The following POLDIP3 variants were observed in gnomAD, a reference collection of about 807,000 sequenced individuals.
The protein encoded by POLDIP3 is DNA polymerase delta interacting protein 3, also known as polymerase delta-interacting protein 3.
A neutral mutation model predicts 45.1 loss-of-function variants in POLDIP3; 14 were observed. The observed-to-expected ratio is 0.31, with a 90% confidence interval of 0.20 to 0.49. POLDIP3 has a LOEUF of 0.49. Among genes scored for constraint, POLDIP3 ranks in the 20% least tolerant of loss-of-function variants. The pLI is 0.99. For synonymous variants in POLDIP3, 223 were observed against 205.2 expected (o/e 1.09, Z -0.74); for missense variants, 511 against 538.8 (o/e 0.95, Z 0.51).
At chr22:42,597,935 A>G (rs1926101762) in intron 4 of POLDIP3, among the ~76,000 whole-genome samples, 1 of 151,834 alleles carries the variant, frequency 6.6e-6, no homozygotes, top group South Asian at 2.1e-4. Flanking sequence ...ACGCGCCATC[A>G]TGCCCAGCTA....
At chr22:42,608,040 G>T (rs569879392) in intron 1 of POLDIP3, among the ~76,000 whole-genome samples, 438 of 152,136 alleles carry the variant, frequency 2.9e-3, no homozygotes, top group Non-Finnish European at 4.8e-3. Context: ...CTGCCCGGCC[G>T]CCACCCCGTC....
rs1295477455 is a variant in POLDIP3, at chr22:42,585,138, C to A, written c.*653G>T. The A allele has an allele frequency of 2.3e-6, 1 of 440,064 alleles. No homozygotes were observed. Among genetic ancestry groups the A allele is most frequent in the East Asian group, 6.9e-5 (1 of 14,584 alleles). The allele number at this position is 440,064 out of a possible 1,614,324, so 27.3% of individuals were successfully genotyped here. On this transcript the variant is annotated 3_prime_UTR_variant, in exon 9 of 9. Transcript: ENST00000252115. ...CTGGAGAACTTCCTCTGGGTGGAGA[C>A]GACACGGGACTCCAAGCCAAGAGCT...
Position 42,614,834 on chromosome 22 carries a change from T to G in POLDIP3, c.24A>C (p.Glu8Asp). 3 of 1,613,964 alleles carry G rather than the reference T, an allele frequency of 1.9e-6. No homozygotes were observed. The East Asian group carries it at 6.7e-5, about 36-fold the overall frequency. The stretch of plus-strand genomic sequence containing the variant: ...CCGCCGCCCCGCGCTTCCTGATGAG[T>G]TCGTCCAGGGAGATGTCCGCCATCT... MADISLD[E>D]LIRKRGAAAK... The change falls in exon 1 of 9, where the codon GAA becomes GAC. Residue 8 changes from glutamate to aspartate, a missense_variant. Coordinates refer to ENST00000252115, the MANE Select transcript of POLDIP3 (RefSeq NM_032311.5).
Position 42,602,000 on chromosome 22 carries a change from G to A in POLDIP3, c.507C>T (p.Ile169=). The A allele has an allele frequency of 6.2e-7, 1 of 1,614,072 alleles. No homozygotes were observed. The highest frequency in any genetic ancestry group is 8.5e-7 in the Non-Finnish European group (1 of 1,179,998). ...TGGCCTGGTGGTTATTGACAACATT[G>A]ATTCTCATTCCGGCAGGATGGGGAT... ...PLHPHPAGMR[I]NVVNNHQAKQ... The change falls in exon 3 of 9, where the codon ATC becomes ATT. Residue 169 remains isoleucine (I), a synonymous_variant. Transcript: ENST00000252115.
chr22:42,602,197 C>T, intron 2 of POLDIP3, 141 bp from the exon 3 acceptor site: 1 of 1,299,078 alleles, frequency 7.7e-7, no homozygotes, highest in Non-Finnish European at 1.1e-6. Context: ...TTATCCTCCA[C>T]AGTAGGAAGT....
At position 42,599,911 on chromosome 22, in the gene POLDIP3, G is replaced by A. The variant is rs1004401627; in HGVS notation, c.538-118C>T. The A allele has an allele frequency of 1.6e-5, 11 of 698,632 alleles. No individual in the cohort carries two copies. In the African/African-American group the frequency reaches 1.8e-4, roughly 12 times the overall value. The allele number at this position is 698,632 out of a possible 1,614,324, so 43.3% of individuals were successfully genotyped here. On this transcript the variant is annotated intron_variant, in intron 3 of 8. Transcript: ENST00000252115. ...AGAAACAAAGGGACCAAGGAGAAGT[G>A]GGCACAGGGGTGACGGTGCCTGGAA...
chr22:42,585,463 A>G lies in POLDIP3; in HGVS notation c.*328T>C. 2.7e-6 allele frequency: 1 copy of G among 365,966 alleles called. No individual in the cohort carries two copies. Among genetic ancestry groups the G allele is most frequent in the Non-Finnish European group, 5.3e-6 (1 of 190,282 alleles). The allele number at this position is 365,966 out of a possible 1,614,324, so 22.7% of individuals were successfully genotyped here. Reference sequence around the variant, plus strand: ...CGCTGCATCCCATGGGGCCACAAGAAAGCCACCCAGAGAATTCAGTGTACC... The same window carrying G: ...CGCTGCATCCCATGGGGCCACAAGAGAGCCACCCAGAGAATTCAGTGTACC... On this transcript the variant is annotated 3_prime_UTR_variant, in exon 9 of 9. Coordinates refer to ENST00000252115, the MANE Select transcript of POLDIP3 (RefSeq NM_032311.5).
intron 1 of POLDIP3, among the ~76,000 whole-genome samples, chr22:42,608,998 G>A (rs1926950747): frequency 6.6e-6 from 1 of 152,220 alleles, no homozygotes; most frequent in South Asian, 2.1e-4. Flanking sequence ...CCAGCAGGCA[G>A]CAGTACTGGT....
At chr22:42,607,754 G>C (rs2146832576) in intron 1 of POLDIP3, among the ~76,000 whole-genome samples, 1 of 151,516 alleles carries the variant, frequency 6.6e-6, no homozygotes. Context: ...CCTCTGCCCG[G>C]CCGCGACCCC....
intron 6 of POLDIP3, among the ~76,000 whole-genome samples, chr22:42,592,497 G>C (rs1925730448): frequency 6.6e-6 from 1 of 152,224 alleles, no homozygotes. Context: ...TCTACCCAGA[G>C]TCCTGGTTTG....
chr22:42,607,495 A>G (rs1926814019), intron 1 of POLDIP3, among the ~76,000 whole-genome samples: 1 of 152,108 alleles, frequency 6.6e-6, no homozygotes, highest in Admixed American at 6.5e-5. Flanking sequence ...TGGCCTCCCA[A>G]AGTGCCGAGA....
At chr22:42,608,167 T>C (rs1163047676) in intron 1 of POLDIP3, among the ~76,000 whole-genome samples, 3 of 152,264 alleles carry the variant, frequency 2.0e-5, no homozygotes, top group Non-Finnish European at 4.4e-5. Context: ...TGTGTCTGTG[T>C]AGAAAGAAGT....
At chr22:42,595,947 T>C (rs914909194) in intron 5 of POLDIP3, among the ~76,000 whole-genome samples, 3 of 152,212 alleles carry the variant, frequency 2.0e-5, no homozygotes, top group East Asian at 1.9e-4. Context: ...GCCCTCCTAA[T>C]AGCTTTCTTC....
At chr22:42,603,245 A>G in intron 1 of POLDIP3, 85 bp from the exon 2 acceptor site, 2 of 1,435,414 alleles carry the variant, frequency 1.4e-6, no homozygotes, top group Non-Finnish European at 1.9e-6. Flanking sequence ...AACACTGGGG[A>G]CAGAGGAGGC....
At chr22:42,605,127 G>A (rs753211939) in intron 1 of POLDIP3, among the ~76,000 whole-genome samples, 8 of 145,812 alleles carry the variant, frequency 5.5e-5, no homozygotes, top group Non-Finnish European at 7.8e-5. Flanking sequence ...CTTTTCTTCA[G>A]TTTTGTTTTG....
chr22:42,584,459 C>T lies in POLDIP3; in HGVS notation c.*1332G>A, dbSNP rs1016697853. On this transcript the variant is annotated 3_prime_UTR_variant, in exon 9 of 9. Coordinates refer to ENST00000252115, the MANE Select transcript of POLDIP3 (RefSeq NM_032311.5). ...AATCTTGGGAGCTCTTGAGTATCTT[C>T]GGCATGTGCCTTTTCCAGCACTTGC... 2.3e-5 allele frequency: 4 copies of T among 170,720 alleles called. No homozygotes were observed. The highest frequency in any genetic ancestry group is 5.4e-5 in the Admixed American group (1 of 18,480). 10.6% of individuals were successfully genotyped at this position (170,720 alleles called of 1,614,324 possible).
At chr22:42,607,477 G>A (rs2146831853) in intron 1 of POLDIP3, among the ~76,000 whole-genome samples, 1 of 152,326 alleles carries the variant, frequency 6.6e-6, no homozygotes, top group African/African-American at 2.4e-5. Context: ...CCTCCCAGCC[G>A]CCTGCCTTGG....
intron 1 of POLDIP3, among the ~76,000 whole-genome samples, chr22:42,612,610 G>C (rs1773328375): frequency 6.6e-6 from 1 of 152,196 alleles, no homozygotes; most frequent in Non-Finnish European, 1.5e-5. Flanking sequence ...GGTTCGGCCT[G>C]AGGTGAGGAG....
chr22:42,605,471 GT>G (rs1203311393), intron 1 of POLDIP3, among the ~76,000 whole-genome samples: 2 of 152,218 alleles, frequency 1.3e-5, no homozygotes, highest in Non-Finnish European at 2.9e-5. Flanking sequence ...TTTTCTTATA[GT>G]AGCCTAAACG....
Sources: gnomAD v4.1 joint callset for allele counts (sites outside exome capture counted in the v4.1 genomes callset) on GRCh38, gnomAD v4.1.1 for gene constraint, MANE v1.5 for transcripts, NCBI Gene and HGNC (gene_info 2026-07-23, HGNC 2026-07-21) for gene names.